SOX5: variants seen among roughly 807,000 people sequenced by gnomAD.
SOX5 encodes transcription factor SOX-5.
A neutral mutation model predicts 92.0 loss-of-function variants in SOX5; 9 were observed. The observed-to-expected ratio is 0.10, with a 90% CI of 0.06 to 0.17. SOX5 has a LOEUF of 0.17. SOX5 is among the 10% of genes least tolerant of loss of function. The pLI is 1.00. For synonymous variants in SOX5, 344 were observed against 336.3 expected, an observed-to-expected ratio of 1.02 and a Z score of -0.25; for missense variants, 642 against 944.5, an observed-to-expected ratio of 0.68 and a Z score of 4.20.
At chr12:24,143,555 A>C (rs540599060) in intron 4 of SOX5, among the ~76,000 whole-genome samples, 2 of 152,334 alleles carry the variant, frequency 1.3e-5, no homozygotes, top group Admixed American at 6.5e-5. Context: ...TCCCAAGGAC[A>C]AAAAGAGCAA....
intron 4 of SOX5, among the ~76,000 whole-genome samples, chr12:24,013,240 C>A (rs183610359): frequency 5.7e-4 from 87 of 152,220 alleles, no homozygotes; most frequent in African/African-American, 2.1e-3. Context: ...CACATTAGAG[C>A]TCCAATACTT....
intron 4 of SOX5, among the ~76,000 whole-genome samples, chr12:24,018,899 T>G (rs1217266174): frequency 6.6e-6 from 1 of 152,210 alleles, no homozygotes; most frequent in Non-Finnish European, 1.5e-5. Flanking sequence ...TTGAATTATA[T>G]TCTCTAAAAT....
At chr12:23,947,580 T>C (rs1282867703) in intron 1 of SOX5, among the ~76,000 whole-genome samples, 5 of 151,912 alleles carry the variant, frequency 3.3e-5, no homozygotes, top group Non-Finnish European at 7.4e-5. Flanking sequence ...CGTTATATTG[T>C]GTGACATTTT....
intron 1 of SOX5, among the ~76,000 whole-genome samples, chr12:24,531,532 C>T (rs1012600659): frequency 1.3e-5 from 2 of 152,038 alleles, no homozygotes; most frequent in African/African-American, 4.8e-5. Flanking sequence ...ATATTTTAAA[C>T]CTATTTTAAT....
chr12:23,905,883 T>G (rs1211967658), intron 1 of SOX5, among the ~76,000 whole-genome samples: 1 of 152,178 alleles, frequency 6.6e-6, no homozygotes, highest in African/African-American at 2.4e-5. Context: ...CTTCGATCAT[T>G]AAAAATTGTA....
intron 4 of SOX5, among the ~76,000 whole-genome samples, chr12:24,049,784 A>G (rs1318333619): frequency 6.6e-6 from 1 of 151,354 alleles, no homozygotes; most frequent in African/African-American, 2.4e-5. Flanking sequence ...AGATGTTTAT[A>G]CCTTAAAAGT....
chr12:24,505,078 T>G (rs1357033944), intron 1 of SOX5, among the ~76,000 whole-genome samples: 1 of 152,210 alleles, frequency 6.6e-6, no homozygotes, highest in African/African-American at 2.4e-5. Flanking sequence ...TAAAAACAGG[T>G]TTAAGATCTG....
chr12:24,394,738 G>A (rs1468237067), intron 1 of SOX5, among the ~76,000 whole-genome samples: 5 of 152,178 alleles, frequency 3.3e-5, no homozygotes, highest in Admixed American at 6.5e-5. Context: ...TAAGTGGCAA[G>A]TAAAAGGTTG....
At chr12:23,590,344 C>T (rs1951357584) in intron 9 of SOX5, among the ~76,000 whole-genome samples, 2 of 151,964 alleles carry the variant, frequency 1.3e-5, no homozygotes, top group East Asian at 1.9e-4. Flanking sequence ...TTTATATTTT[C>T]ATTCTTCTTA....
intron 4 of SOX5, among the ~76,000 whole-genome samples, chr12:24,031,352 C>T (rs1229390150): frequency 2.6e-5 from 4 of 151,598 alleles, no homozygotes; most frequent in Non-Finnish European, 5.9e-5. Flanking sequence ...TACATCTATA[C>T]AGTGGAATAT....
At chr12:23,913,637 A>G (rs1185652571) in intron 1 of SOX5, among the ~76,000 whole-genome samples, 1 of 151,862 alleles carries the variant, frequency 6.6e-6, no homozygotes, top group Non-Finnish European at 1.5e-5. Context: ...TCAAGAGGCT[A>G]AGGCAGGAGA....
At position 24,193,449 on chromosome 12, in the gene SOX5, C is replaced by T. The variant is rs183284831; in HGVS notation, c.-2+19894G>A. On this transcript the variant is annotated intron_variant, in intron 4 of 4. Coordinates refer to the SOX5 transcript ENST00000446891. ...CTACAGAAATTGACAGAAACATTTG[C>T]TATCCTTGGCTGCCTTTGCAAACTG... is the stretch of plus-strand genomic sequence containing the variant. Among the ~76,000 whole-genome samples, 39 of 152,286 alleles carry T rather than the reference C, an allele frequency of 2.6e-4. 1 individual carries two copies. In the East Asian group the frequency reaches 5.2e-3, roughly 20 times the overall value.
At chr12:24,489,477 C>T (rs1597243437) in intron 1 of SOX5, among the ~76,000 whole-genome samples, 1 of 152,028 alleles carries the variant, frequency 6.6e-6, no homozygotes, top group African/African-American at 2.4e-5. Flanking sequence ...CTGGAAGAAA[C>T]CCAAGGCCCA....
chr12:23,986,003 G>T (rs1309330771), intron 4 of SOX5, among the ~76,000 whole-genome samples: 3 of 151,828 alleles, frequency 2.0e-5, no homozygotes, highest in Non-Finnish European at 4.4e-5. Flanking sequence ...CCATTTGAGG[G>T]GGCTTGTGAT....
At chr12:23,724,730 T>C (rs1461635183) in intron 6 of SOX5, among the ~76,000 whole-genome samples, 3 of 152,086 alleles carry the variant, frequency 2.0e-5, no homozygotes, top group Non-Finnish European at 4.4e-5. Context: ...TTGAAGAGAT[T>C]TGAATGAAGT....
At chr12:24,518,219 C>T (rs1949969332) in intron 1 of SOX5, among the ~76,000 whole-genome samples, 1 of 151,952 alleles carries the variant, frequency 6.6e-6, no homozygotes, top group Non-Finnish European at 1.5e-5. Flanking sequence ...CAGGCATGTA[C>T]CACCATGCCT....
chr12:23,903,345 G>A (rs2138049717), intron 1 of SOX5, among the ~76,000 whole-genome samples: 1 of 152,248 alleles, frequency 6.6e-6, no homozygotes, highest in South Asian at 2.1e-4. Context: ...AGCACTTTAG[G>A]AGACCAAGGC....
intron 2 of SOX5, among the ~76,000 whole-genome samples, chr12:23,884,414 A>G (rs1421743442): frequency 6.6e-6 from 1 of 152,196 alleles, no homozygotes; most frequent in Non-Finnish European, 1.5e-5. Context: ...TTTAACAAAT[A>G]GCCTTTTAGA....
At chr12:23,827,335 C>T (rs1213335964) in intron 3 of SOX5, among the ~76,000 whole-genome samples, 1 of 152,110 alleles carries the variant, frequency 6.6e-6, no homozygotes, top group Non-Finnish European at 1.5e-5. Context: ...AATTATTTTA[C>T]ATAGAGAATT....
Sources: allele counts gnomAD v4.1 joint callset (sites outside exome capture counted in the v4.1 genomes callset), GRCh38; gene constraint gnomAD v4.1.1; transcripts MANE v1.5; gene names NCBI Gene and HGNC (gene_info 2026-07-23, HGNC 2026-07-21).